The following DNAAF9 variants were observed in gnomAD, a reference collection of about 807,000 sequenced individuals.
DNAAF9 encodes shulin.
Under a neutral mutation model 167.0 loss-of-function variants are expected in DNAAF9, and 90 were observed. That is an observed-to-expected ratio of 0.54 (90% CI 0.45 to 0.64). The LOEUF is 0.64. Ranked by LOEUF, DNAAF9 falls within the 30% of genes least tolerant of loss-of-function variation. The pLI, the probability that DNAAF9 is intolerant of heterozygous loss-of-function variation, is 0.00. For synonymous variants in DNAAF9, 491 were observed against 508.8 expected, an observed-to-expected ratio of 0.96 and a Z score of 0.47; for missense variants, 1,315 against 1,442.2, an observed-to-expected ratio of 0.91 and a Z score of 1.43.
At chr20:3,313,676 C>T (rs746841359) in intron 20 of DNAAF9, among the ~76,000 whole-genome samples, 1 of 152,140 alleles carries the variant, frequency 6.6e-6, no homozygotes, top group Non-Finnish European at 1.5e-5. Flanking sequence ...AGAAACACTG[C>T]CAGTTTGGAT....
intron 30 of DNAAF9, among the ~76,000 whole-genome samples, chr20:3,265,341 G>T (rs921555392): frequency 1.4e-4 from 21 of 151,818 alleles, no homozygotes; most frequent in African/African-American, 4.1e-4. Flanking sequence ...GAGGCAGGCG[G>T]ATCACCTGGG....
At chr20:3,259,350 G>C (rs556472403) in intron 33 of DNAAF9, 130 bp downstream of exon 33, 1 of 723,458 alleles carries the variant, frequency 1.4e-6, no homozygotes, top group Non-Finnish European at 2.5e-6. Context: ...TGAAGGCCCA[G>C]GGTGGGGAAG....
At chr20:3,366,144 G>A (rs533443230) in intron 6 of DNAAF9, among the ~76,000 whole-genome samples, 3 of 152,258 alleles carry the variant, frequency 2.0e-5, no homozygotes, top group African/African-American at 7.2e-5. Context: ...ATCTTTTTGA[G>A]AAGGCTTTCA....
At chr20:3,309,255 T>A (rs916336671) in intron 20 of DNAAF9, among the ~76,000 whole-genome samples, 62 of 152,140 alleles carry the variant, frequency 4.1e-4, no homozygotes, top group Admixed American at 4.1e-3. Flanking sequence ...ATTTTTACCA[T>A]GTCAAGTAAG....
intron 20 of DNAAF9, chr20:3,306,981 C>T (rs1004107881): frequency 5.1e-6 from 5 of 985,166 alleles, no homozygotes; most frequent in African/African-American, 1.7e-5. Context: ...TCCTGGGTAT[C>T]CCTCTACATT....
chr20:3,272,107 A>C (rs747603686), intron 29 of DNAAF9, among the ~76,000 whole-genome samples: 10 of 152,110 alleles, frequency 6.6e-5, no homozygotes, highest in Non-Finnish European at 1.3e-4. Context: ...AATTATTTCA[A>C]ACAAAAATAC....
At chr20:3,378,420 C>G (rs761292866) in intron 3 of DNAAF9, among the ~76,000 whole-genome samples, 11 of 152,186 alleles carry the variant, frequency 7.2e-5, no homozygotes, top group African/African-American at 2.4e-4. Context: ...AATAGATCAG[C>G]AGCTTACAGA....
At chr20:3,356,297 C>T (rs754464041) in intron 7 of DNAAF9, among the ~76,000 whole-genome samples, 7 of 152,178 alleles carry the variant, frequency 4.6e-5, no homozygotes, top group Non-Finnish European at 7.4e-5. Context: ...GGATTACAGG[C>T]GTGAGCTGCT....
chr20:3,298,186 A>G lies in DNAAF9; in HGVS notation c.1783-11T>C. The G allele has an allele frequency of 1.2e-6, 2 of 1,609,802 alleles. No individual in the cohort carries two copies. Among genetic ancestry groups the G allele is most frequent in the East Asian group, 2.2e-5 (1 of 44,820 alleles). ...AGTACTGGTGGAATCCTAAAGCGAA[A>G]AGGAGGGAGCATCAGCAAGAAGAGC... On this transcript the variant is annotated splice_polypyrimidine_tract_variant and intron_variant, in intron 21 of 36. Transcript: ENST00000252032.
At chr20:3,280,971 T>G (rs1389555075) in intron 28 of DNAAF9, among the ~76,000 whole-genome samples, 1 of 152,084 alleles carries the variant, frequency 6.6e-6, no homozygotes, top group Non-Finnish European at 1.5e-5. Context: ...ATTTTAGCCT[T>G]ATTTCTATAT....
rs371025816 is a variant in DNAAF9, at chr20:3,348,585, G to A, written c.729C>T (p.Phe243=). The part of the protein sequence containing the change: ...VAFEHQWTSF[F]ANFDTEIPFL... ...AAGGAATTTCTGTGTCAAAATTAGC[G>A]AAGAAGCTAGTCCACTGATGTTCAA... Residue 243 remains phenylalanine (F), a synonymous_variant, in exon 8 of 37, where the codon TTC becomes TTT. Transcript: ENST00000252032. The A allele has an allele frequency of 2.8e-5, 45 of 1,604,550 alleles. No individual in the cohort carries two copies. Among genetic ancestry groups the A allele is most frequent in the Middle Eastern group, 1.7e-4 (1 of 6,042 alleles).
chr20:3,303,550 A>G (rs1482636552), intron 21 of DNAAF9, among the ~76,000 whole-genome samples: 2 of 152,162 alleles, frequency 1.3e-5, no homozygotes, highest in African/African-American at 4.8e-5. Flanking sequence ...GCAACACTTT[A>G]ATCTAATAGG....
At chr20:3,342,528 CTCTA>C (rs747929804) in intron 9 of DNAAF9, among the ~76,000 whole-genome samples, 2 of 152,110 alleles carry the variant, frequency 1.3e-5, no homozygotes, top group African/African-American at 2.4e-5. Flanking sequence ...TGACTCTATC[CTCTA>C]TCTTCTTCCT....
rs763701400 is a variant in DNAAF9, at chr20:3,270,439, C to G, written c.2774G>C (p.Gly925Ala). Residue 925 changes from glycine to alanine, a missense_variant, in exon 30 of 37, where the codon GGG becomes GCG. By Grantham distance (60) the Gly-to-Ala change is moderately conservative. Transcript: ENST00000252032. Reference protein sequence around the residue: ...PAAAFILAENGIVTRNEDIEL... With the variant: ...PAAAFILAENAIVTRNEDIEL... ...ATCTATAGATTACCTGGTGACAATC[C>G]CATTTTCTGCAAGAATGAAGGCTGC... 1.2e-6 allele frequency: 2 copies of G among 1,613,864 alleles called. No homozygotes were observed. The highest frequency in any genetic ancestry group is 2.2e-5 in the East Asian group (1 of 44,880).
At chr20:3,279,301 A>T (rs1348383352) in intron 28 of DNAAF9, among the ~76,000 whole-genome samples, 2 of 152,228 alleles carry the variant, frequency 1.3e-5, no homozygotes, top group African/African-American at 2.4e-5. Context: ...GGAAAATAAG[A>T]ATTACACTCA....
chr20:3,258,165 CAAAAAAGAAATAAA>C (rs774422257), intron 33 of DNAAF9, among the ~76,000 whole-genome samples: 7 of 150,160 alleles, frequency 4.7e-5, no homozygotes, highest in Non-Finnish European at 1.0e-4. Flanking sequence ...TGCACCCAGC[CAAAAAAGAAATAAA>C]AAAAAAGAAG....
intron 10 of DNAAF9, among the ~76,000 whole-genome samples, chr20:3,333,444 CAATTGTTT>C (rs1469794118): frequency 1.3e-5 from 2 of 152,178 alleles, no homozygotes; most frequent in Non-Finnish European, 2.9e-5. Context: ...CTATTTTACT[CAATTGTTT>C]AAGACAACAA....
chr20:3,291,079 G>A (rs1216880076), intron 25 of DNAAF9, among the ~76,000 whole-genome samples: 3 of 151,740 alleles, frequency 2.0e-5, no homozygotes, highest in African/African-American at 4.8e-5. Context: ...GTGAGCCACC[G>A]CACCTGGCCG....
intron 20 of DNAAF9, among the ~76,000 whole-genome samples, chr20:3,308,081 G>A (rs1264374359): frequency 6.6e-6 from 1 of 151,804 alleles, no homozygotes; most frequent in Non-Finnish European, 1.5e-5. Flanking sequence ...CCCCCTGGAT[G>A]TCCTTCCTCA....
Sources: allele counts gnomAD v4.1 joint callset (sites outside exome capture counted in the v4.1 genomes callset), GRCh38; gene constraint gnomAD v4.1.1; transcripts MANE v1.5; gene names NCBI Gene and HGNC (gene_info 2026-07-23, HGNC 2026-07-21).